The following KSR2 variants were observed in gnomAD, a reference collection of about 807,000 sequenced individuals.
The protein encoded by KSR2 is kinase suppressor of ras 2.
In KSR2, 25 loss-of-function variants were observed where a neutral mutation model predicts 107.8. The observed-to-expected ratio is 0.23, with a 90% CI of 0.17 to 0.32. The LOEUF (loss-of-function observed/expected upper bound fraction) is 0.32. Ranked by LOEUF, KSR2 falls within the 10% of genes least tolerant of loss-of-function variation. The pLI is 1.00. For missense variants in KSR2, 887 were observed against 1,268.9 expected (o/e 0.70, Z 4.57); for synonymous variants, 480 against 507.0 (o/e 0.95, Z 0.71).
chr12:117,684,343 A>ACC (rs1426569713), intron 4 of KSR2, among the ~76,000 whole-genome samples: 2 of 152,206 alleles, frequency 1.3e-5, no homozygotes, highest in Admixed American at 1.3e-4. Context: ...GGCTCCCAGC[A>ACC]CCCAGCACAA....
chr12:117,629,908 A>G (rs1882726038), intron 5 of KSR2, among the ~76,000 whole-genome samples: 1 of 152,192 alleles, frequency 6.6e-6, no homozygotes, highest in Non-Finnish European at 1.5e-5. Context: ...TACTCCCATC[A>G]TTCAACCTTT....
Position 117,524,755 on chromosome 12 carries a change from A to G in KSR2, c.2219+97T>C, listed in dbSNP as rs947722663. On this transcript the variant is annotated intron_variant, in intron 14 of 19. Transcript: ENST00000339824. ...TGCATGGTAGAACTAGAGATGGTCT[A>G]TTAACCAGAGTGGTCAAGTAAGCAG... The G allele has an allele frequency of 2.1e-6, 3 of 1,404,836 alleles. No homozygotes were observed. In the Admixed American group the frequency reaches 7.3e-5, roughly 34 times the overall value. The allele number at this position is 1,404,836 out of a possible 1,614,324, so 87.0% of individuals were successfully genotyped here.
chr12:117,685,263 T>C (rs1885522811), intron 4 of KSR2, among the ~76,000 whole-genome samples: 1 of 152,208 alleles, frequency 6.6e-6, no homozygotes, highest in African/African-American at 2.4e-5. Flanking sequence ...ATCTTATTTT[T>C]TTGTTCCCAA....
chr12:117,767,259 A>G (rs1298039644), intron 3 of KSR2, among the ~76,000 whole-genome samples: 1 of 24,074 alleles, frequency 4.2e-5, no homozygotes, highest in Non-Finnish European at 6.2e-5. Flanking sequence ...TAAAAATCCA[A>G]AAAAAAAAAA....
intron 5 of KSR2, among the ~76,000 whole-genome samples, chr12:117,656,800 C>CT (rs1278192102): frequency 6.6e-6 from 1 of 151,710 alleles, no homozygotes; most frequent in Non-Finnish European, 1.5e-5. Context: ...ATATTAGACT[C>CT]TAAGTTCTTC....
intron 7 of KSR2, among the ~76,000 whole-genome samples, chr12:117,578,149 G>A (rs772141281): frequency 2.0e-5 from 3 of 152,234 alleles, no homozygotes; most frequent in African/African-American, 4.8e-5. Flanking sequence ...CAGAAGGTGA[G>A]CAGAAAAGGA....
At chr12:117,572,662 T>G (rs1878969985) in intron 7 of KSR2, among the ~76,000 whole-genome samples, 1 of 150,942 alleles carries the variant, frequency 6.6e-6, no homozygotes, top group African/African-American at 2.4e-5. Flanking sequence ...CTGGTGGTTT[T>G]GGAAGATGTT....
rs146325141 is a variant in KSR2 at position 117,704,477 on chromosome 12, A to G, written c.987-36819T>C. 4.5e-3 allele frequency among the ~76,000 whole-genome samples: 686 copies of G among 152,322 alleles called. 8 individuals are homozygous for G. The highest frequency in any genetic ancestry group is 0.017 in the Middle Eastern group (5 of 294). ...ATCCCCCAAAACCCTGGTGAAACAG[A>G]GCCTGTGTGACCCATAAAGCCTAAA... On this transcript the variant is annotated intron_variant, in intron 4 of 19. Transcript: ENST00000339824.
intron 3 of KSR2, among the ~76,000 whole-genome samples, chr12:117,769,155 C>T (rs1017924371): frequency 1.3e-5 from 2 of 152,186 alleles, no homozygotes; most frequent in African/African-American, 4.8e-5. Context: ...CGGGATCACT[C>T]CCCAGGAAGA....
intron 1 of KSR2, among the ~76,000 whole-genome samples, chr12:117,929,553 G>A (rs1176113069): frequency 2.6e-5 from 4 of 152,112 alleles, no homozygotes; most frequent in Non-Finnish European, 5.9e-5. Context: ...TGAGCAGCAT[G>A]AAAACAGACT....
chr12:117,827,147 G>T (rs1169265112), intron 3 of KSR2, among the ~76,000 whole-genome samples: 1 of 151,874 alleles, frequency 6.6e-6, no homozygotes, highest in Non-Finnish European at 1.5e-5. Context: ...GGTAAAAACT[G>T]AAGAGGAGGA....
intron 4 of KSR2, among the ~76,000 whole-genome samples, chr12:117,707,631 G>A (rs1261487566): frequency 2.0e-5 from 3 of 152,126 alleles, no homozygotes; most frequent in Non-Finnish European, 4.4e-5. Context: ...AACAAATGAA[G>A]TTACTGCACA....
chr12:117,614,545 A>C (rs1881770958), intron 5 of KSR2, among the ~76,000 whole-genome samples: 4 of 152,184 alleles, frequency 2.6e-5, no homozygotes, highest in Admixed American at 2.6e-4. Context: ...TAAAATGTGA[A>C]TTTAATATCA....
intron 1 of KSR2, among the ~76,000 whole-genome samples, chr12:117,866,038 C>CTTTTTTTTTTT (rs397838492): frequency 4.8e-5 from 6 of 124,224 alleles, no homozygotes; most frequent in South Asian, 2.4e-4. Flanking sequence ...TAATCTCTCT[C>CTTTTTTTTTTT]TTTTTTTTTT....
intron 14 of KSR2, among the ~76,000 whole-genome samples, chr12:117,519,043 C>T (rs1874568589): frequency 6.6e-6 from 1 of 152,232 alleles, no homozygotes; most frequent in Non-Finnish European, 1.5e-5. Flanking sequence ...GTCCACAGTA[C>T]AAACTGTAGA....
chr12:117,479,184 A>G (rs1041257118), intron 16 of KSR2, among the ~76,000 whole-genome samples: 1 of 152,166 alleles, frequency 6.6e-6, no homozygotes, highest in East Asian at 1.9e-4. Context: ...ATTTGGATAT[A>G]CTCGACTTTT....
At chr12:117,731,812 T>C (rs940521358) in intron 4 of KSR2, among the ~76,000 whole-genome samples, 12 of 150,436 alleles carry the variant, frequency 8.0e-5, no homozygotes, top group African/African-American at 2.9e-4. Flanking sequence ...AAGATGTGCT[T>C]TGTTAAACAG....
rs543275101 is a variant in KSR2, at chr12:117,907,184, A to G, written c.181-46753T>C. Among the ~76,000 whole-genome samples, 6 of 152,294 alleles carry G rather than the reference A, an allele frequency of 3.9e-5. No individual in the cohort carries two copies. Among genetic ancestry groups the G allele is most frequent in the Admixed American group, 1.3e-4 (2 of 15,290 alleles). On this transcript the variant is annotated intron_variant, in intron 1 of 19. Coordinates refer to ENST00000339824, the MANE Select transcript of KSR2 (RefSeq NM_173598.6). This position sits in a 1 kb window ranked among gnomAD's most constrained non-coding sequence, Gnocchi z 4.3. ...CACGGAGATTAAATTACTTGCTTACATGAGCACCGTAAGTAAGTGACAGCA... is the reference window on the plus strand; with the variant it reads ...CACGGAGATTAAATTACTTGCTTACGTGAGCACCGTAAGTAAGTGACAGCA...
rs1261043830 is a variant in KSR2 at position 117,455,586 on chromosome 12, C to T, written c.*11613G>A. 2.0e-5 allele frequency: 3 copies of T among 152,126 alleles called. No individual in the cohort carries two copies. The highest frequency in any genetic ancestry group is 4.4e-5 in the Non-Finnish European group (3 of 68,050). The allele number at this position is 152,126 out of a possible 1,614,324, so 9.4% of individuals were successfully genotyped here. On this transcript the variant is annotated 3_prime_UTR_variant, in exon 20 of 20. Coordinates refer to ENST00000339824, the MANE Select transcript of KSR2 (RefSeq NM_173598.6). ...GACTCCTAGTACCCTGAAGGCAGCA[C>T]CCACTTTTCTCCATTTTTTCCAGAA...
Sources: allele counts gnomAD v4.1 joint callset (sites outside exome capture counted in the v4.1 genomes callset), GRCh38; gene constraint gnomAD v4.1.1; non-coding constraint Gnocchi (gnomAD v3.1); transcripts MANE v1.5; gene names NCBI Gene and HGNC (gene_info 2026-07-23, HGNC 2026-07-21).